The following FILIP1 variants were observed in gnomAD, a reference collection of about 807,000 sequenced individuals.
FILIP1 encodes filamin A interacting protein 1, also known as filamin-A-interacting protein 1.
Under a neutral mutation model 102.1 loss-of-function variants are expected in FILIP1, and 61 were observed. That is an observed-to-expected ratio of 0.60 (90% CI 0.49 to 0.74). The LOEUF (loss-of-function observed/expected upper bound fraction) is 0.74, where lower values mean the gene tolerates loss of function less well. Ranked by LOEUF, FILIP1 falls within the 30% of genes least tolerant of loss-of-function variation. FILIP1 has a pLI of 0.00. For synonymous variants in FILIP1, 491 were observed against 526.9 expected (o/e 0.93, Z 0.93); for missense variants, 1,314 against 1,441.2 (o/e 0.91, Z 1.43).
rs536871005 is a variant in FILIP1 at position 75,295,926 on chromosome 6, C to T, written c.3518G>A (p.Arg1173Gln). ...TTTACCATTTCATCTGGAGTTCATTCGTAACTGGTGAATGATGATGCTTTC... is the reference window on the plus strand; with the variant it reads ...TTTACCATTTCATCTGGAGTTCATTTGTAACTGGTGAATGATGATGCTTTC... Residue 1173 changes from arginine (R) to glutamine (Q), a missense_variant, in exon 7 of 7, where the codon CGA (arginine) becomes CAA (glutamine). Arg to Gln is a conservative substitution (Grantham distance 43). Coordinates refer to the FILIP1 transcript ENST00000393004. 170 of 1,458,948 alleles carry T rather than the reference C, an allele frequency of 1.2e-4. No homozygotes were observed. The South Asian group carries it at 1.9e-3, about 16-fold the overall frequency. The allele number at this position is 1,458,948 out of a possible 1,614,324, so 90.4% of individuals were successfully genotyped here.
chr6:75,314,800 C>T lies in FILIP1; in HGVS notation c.1032G>A (p.Glu344=), dbSNP rs1436370647. 2.5e-6 allele frequency: 4 copies of T among 1,613,858 alleles called. No individual in the cohort carries two copies. In the African/African-American group the frequency reaches 5.3e-5, roughly 22 times the overall value. Residue 344 remains glutamate (E), a synonymous_variant, in exon 5 of 6, where the codon GAG becomes GAA. Coordinates refer to ENST00000237172, the MANE Select transcript of FILIP1 (RefSeq NM_015687.5). ...KLVGLTQRIE[E]LEETNKNLQK... ...GCAGATTTTTGTTGGTCTCTTCTAG[C>T]TCCTCGATTCTTTGGGTTAAGCCAA...
chr6:75,442,308 G>A (rs542091034), intron 1 of FILIP1, among the ~76,000 whole-genome samples: 62 of 151,992 alleles, frequency 4.1e-4, no homozygotes, highest in African/African-American at 1.4e-3. Flanking sequence ...CGTCCCAGAC[G>A]ATGGATGGCC....
At chr6:75,364,722 C>T (rs1775273037) in intron 2 of FILIP1, among the ~76,000 whole-genome samples, 1 of 152,174 alleles carries the variant, frequency 6.6e-6, no homozygotes. Context: ...CCAGGTGATT[C>T]CAAAGTTGAG....
At chr6:75,353,508 A>G in intron 4 of FILIP1, 31 bp downstream of exon 4, 1 of 1,612,250 alleles carries the variant, frequency 6.2e-7, no homozygotes, top group Non-Finnish European at 8.5e-7. Context: ...ATGGGCATCC[A>G]GATGTGACTG....
intron 6 of FILIP1, among the ~76,000 whole-genome samples, chr6:75,299,762 T>C (rs1772784381): frequency 6.6e-6 from 1 of 152,220 alleles, no homozygotes; most frequent in African/African-American, 2.4e-5. Context: ...GTACACTAGC[T>C]ATTGGATAAC....
intron 2 of FILIP1, among the ~76,000 whole-genome samples, chr6:75,377,862 C>T (rs1280620081): frequency 2.6e-5 from 4 of 152,190 alleles, no homozygotes; most frequent in Non-Finnish European, 4.4e-5. Context: ...TTTATGTTCA[C>T]AAAATTTCTG....
chr6:75,318,749 T>A (rs1168287984), intron 4 of FILIP1, among the ~76,000 whole-genome samples: 1 of 152,270 alleles, frequency 6.6e-6, no homozygotes, highest in Non-Finnish European at 1.5e-5. Context: ...ATATAATTAA[T>A]TTGTGCTGTG....
Position 75,308,804 on chromosome 6 carries a change from C to T in FILIP1, c.3529G>A (p.Gly1177Arg). ...KAGKPVVAAPGAGNLTKFEPR... is the reference protein window; with the variant it reads ...KAGKPVVAAPRAGNLTKFEPR... The stretch of plus-strand genomic sequence containing the variant: ...TCGAATTTGGTCAGATTTCCTGCTC[C>T]TGGGGCTGCCACTACTGGCTTTCCT... Residue 1177 changes from glycine (G) to arginine (R), a missense_variant, in exon 6 of 6, where the codon GGA becomes AGA. By Grantham distance (125) the Gly-to-Arg change is moderately radical. Transcript: ENST00000237172. The T allele has an allele frequency of 2.5e-6, 4 of 1,614,102 alleles. No individual in the cohort carries two copies. Among genetic ancestry groups the T allele is most frequent in the Non-Finnish European group, 3.4e-6 (4 of 1,180,018 alleles).
intron 4 of FILIP1, among the ~76,000 whole-genome samples, chr6:75,326,323 T>C (rs1249151013): frequency 6.6e-6 from 1 of 152,090 alleles, no homozygotes; most frequent in Non-Finnish European, 1.5e-5. Context: ...ATAAGAATGA[T>C]ACAATGGACT....
intron 1 of FILIP1, among the ~76,000 whole-genome samples, chr6:75,425,459 T>A (rs571637173): frequency 7.0e-4 from 107 of 152,268 alleles, no homozygotes; most frequent in Non-Finnish European, 1.1e-3. Flanking sequence ...TTCAAACACA[T>A]AATGGCTCTT....
intron 2 of FILIP1, among the ~76,000 whole-genome samples, chr6:75,412,538 A>G (rs973510386): frequency 1.3e-5 from 2 of 152,082 alleles, no homozygotes; most frequent in Admixed American, 1.3e-4. Flanking sequence ...ATTCAGTATG[A>G]TGGCTGATAA....
At chr6:75,427,513 G>A (rs943424401) in intron 1 of FILIP1, among the ~76,000 whole-genome samples, 3 of 152,104 alleles carry the variant, frequency 2.0e-5, no homozygotes, top group African/African-American at 4.8e-5. Flanking sequence ...AGTTCATTCA[G>A]TCTTTCCAAC....
At chr6:75,352,244 G>A (rs1459282540) in intron 4 of FILIP1, among the ~76,000 whole-genome samples, 9 of 152,164 alleles carry the variant, frequency 5.9e-5, no homozygotes, top group Middle Eastern at 3.4e-3. Context: ...TAATAAAGCC[G>A]GTCTAGGTAA....
intron 2 of FILIP1, among the ~76,000 whole-genome samples, chr6:75,369,429 C>A (rs1249030858): frequency 6.6e-6 from 1 of 152,212 alleles, no homozygotes; most frequent in Admixed American, 6.5e-5. Context: ...TCTAGCAAGG[C>A]AGCCATAAAT....
At chr6:75,365,782 C>T (rs1775308517) in intron 2 of FILIP1, among the ~76,000 whole-genome samples, 2 of 151,576 alleles carry the variant, frequency 1.3e-5, no homozygotes, top group South Asian at 4.2e-4. Flanking sequence ...CAAAGAGAAA[C>T]AAAGTAGTAC....
At chr6:75,372,022 C>A (rs1235801558) in intron 2 of FILIP1, among the ~76,000 whole-genome samples, 1 of 152,100 alleles carries the variant, frequency 6.6e-6, no homozygotes, top group Non-Finnish European at 1.5e-5. Context: ...TGGAAAGCAA[C>A]CCATAAAATG....
chr6:75,422,373 A>AT (rs1162625154), intron 1 of FILIP1, among the ~76,000 whole-genome samples: 2 of 152,006 alleles, frequency 1.3e-5, no homozygotes, highest in African/African-American at 4.8e-5. Flanking sequence ...GATTACTATA[A>AT]TTTTTTTCAG....
chr6:75,328,259 G>C, intron 4 of FILIP1, among the ~76,000 whole-genome samples: 1 of 152,308 alleles, frequency 6.6e-6, no homozygotes, highest in Middle Eastern at 3.4e-3. Flanking sequence ...ATTATGGCAA[G>C]AGTCCTTTAT....
At chr6:75,477,030 C>G (rs569355771) in intron 1 of FILIP1, among the ~76,000 whole-genome samples, 2 of 152,176 alleles carry the variant, frequency 1.3e-5, no homozygotes, top group East Asian at 1.9e-4. Flanking sequence ...ATATTGAGTT[C>G]GAAGGTTAAT....
Sources: allele counts gnomAD v4.1 joint callset (sites outside exome capture counted in the v4.1 genomes callset), GRCh38; gene constraint gnomAD v4.1.1; transcripts MANE v1.5; gene names NCBI Gene and HGNC (gene_info 2026-07-23, HGNC 2026-07-21).